TMEM8B: variants seen among roughly 807,000 people sequenced by gnomAD.
The protein encoded by TMEM8B is nasopharyngeal carcinoma expressed 6.
TMEM8B carries 29 observed loss-of-function variants against 49.3 expected under a neutral mutation model. That is an observed-to-expected ratio of 0.59 (90% CI 0.44 to 0.80). The LOEUF (loss-of-function observed/expected upper bound fraction) is 0.80. TMEM8B is among the 30% of genes least tolerant of loss of function. The probability of loss-of-function intolerance (pLI) is 0.00; values close to 1 mark genes in which losing one functional copy is unlikely to be tolerated. For missense variants in TMEM8B, 575 were observed against 658.5 expected (o/e 0.87, Z 1.39); for synonymous variants, 264 against 272.8 (o/e 0.97, Z 0.32).
chr9:35,840,481 A>G (rs990887161), intron 3 of TMEM8B, among the ~76,000 whole-genome samples: 3 of 152,132 alleles, frequency 2.0e-5, no homozygotes, highest in Admixed American at 6.5e-5. Context: ...ATCAAATAGG[A>G]CAGGGTTCCT....
chr9:35,859,991 CTCCTT>C lies in TMEM8B; in HGVS notation c.*6153_*6157del, dbSNP rs1832622563. On this transcript the variant is annotated 3_prime_UTR_variant, in exon 13 of 13. Transcript: ENST00000643932. ...GTTTGCCCACTTCATCTCATTCTCT[CTCCTT>C]TTCCATCTGGACCACCCAGCTTTTT... The C allele has an allele frequency of 6.6e-6, 1 of 152,486 alleles. No homozygotes were observed. Among genetic ancestry groups the C allele is most frequent in the African/African-American group, 2.4e-5 (1 of 41,464 alleles). The allele number at this position is 152,486 out of a possible 1,614,324, so 9.4% of individuals were successfully genotyped here. A position where few individuals can be genotyped will look rare whatever the true frequency, so the allele number is the denominator to read the frequency against.
rs1326519335 is a variant in TMEM8B at position 35,856,130 on chromosome 9, G to C, written c.*2290G>C. The stretch of plus-strand genomic sequence containing the variant: ...ATTAGCTGAGTTGCCATGATGCTAA[G>C]ATAATGGGAGAGTGTTCTTTGTGGT... On this transcript the variant is annotated 3_prime_UTR_variant, in exon 13 of 13. Coordinates refer to ENST00000643932, the MANE Select transcript of TMEM8B (RefSeq NM_001042590.4). 6.6e-6 allele frequency: 1 copy of C among 152,212 alleles called. No individual in the cohort carries two copies. The highest frequency in any genetic ancestry group is 1.5e-5 in the Non-Finnish European group (1 of 68,042). The allele number at this position is 152,212 out of a possible 1,614,324, so 9.4% of individuals were successfully genotyped here.
At chr9:35,832,991 C>T (rs2065039) in intron 1 of TMEM8B, among the ~76,000 whole-genome samples, 31,719 of 152,064 alleles carry the variant, frequency 0.21, 3,540 homozygotes, top group East Asian at 0.37. Flanking sequence ...TCCTTCCTGA[C>T]AGTTGAGACT....
At position 35,846,586 on chromosome 9, in the gene TMEM8B, G is replaced by T. The variant is rs1281158892; in HGVS notation, c.1971G>T (p.Leu657=). The part of the protein sequence containing the change: ...QCKLLRTHNY[L]YAACECKAGW... ...AGCTGCTGCGCACACACAATTATCT[G>T]TACGCAGCCTGCGAGTGCAAGGCCG... is the stretch of plus-strand genomic sequence containing the variant. Residue 657 remains leucine, a synonymous_variant, in exon 9 of 13, where the codon CTG becomes CTT. Coordinates refer to ENST00000643932, the MANE Select transcript of TMEM8B (RefSeq NM_001042590.4). 18 of 1,571,782 alleles carry T rather than the reference G, an allele frequency of 1.1e-5. No homozygotes were observed. Among genetic ancestry groups the T allele is most frequent in the Non-Finnish European group, 1.5e-5 (17 of 1,158,342 alleles).
intron 10 of TMEM8B, among the ~76,000 whole-genome samples, chr9:35,850,725 T>A (rs1317324382): frequency 6.6e-6 from 1 of 152,250 alleles, no homozygotes; most frequent in East Asian, 1.9e-4. Flanking sequence ...TGTTTAGTGA[T>A]TCAGCTTTGC....
rs1832468332 is a variant in TMEM8B at position 35,855,110 on chromosome 9, C to T, written c.*1270C>T. On this transcript the variant is annotated 3_prime_UTR_variant, in exon 13 of 13. Transcript: ENST00000643932. ...ATTACTCTCTCAGTCCTAAGGTTCT[C>T]TCTGCCACTTCTGGGCCATATGTGG... The T allele has an allele frequency of 6.6e-6, 1 of 152,218 alleles. No individual in the cohort carries two copies. Among genetic ancestry groups the T allele is most frequent in the Non-Finnish European group, 1.5e-5 (1 of 68,044 alleles). The allele number at this position is 152,218 out of a possible 1,614,324, so 9.4% of individuals were successfully genotyped here. A position where few individuals can be genotyped will look rare whatever the true frequency, so the allele number is the denominator to read the frequency against.
intron 3 of TMEM8B, among the ~76,000 whole-genome samples, chr9:35,836,493 G>C (rs1187512157): frequency 4.6e-5 from 7 of 152,248 alleles, no homozygotes; most frequent in African/African-American, 1.7e-4. Flanking sequence ...CCTGGCTCTA[G>C]TTATCCAAAA....
rs142453480 is a variant in TMEM8B, at chr9:35,833,514, ACTT to A, written c.509-944_509-942del. On this transcript the variant is annotated intron_variant, in intron 1 of 12. Transcript: ENST00000643932. ...CCTTGCCTGGCTAGCTGCTGACACA[ACTT>A]CTGCTCACCTTGGCTCTGCTCCTGA... 5.0e-3 allele frequency among the ~76,000 whole-genome samples: 756 copies of A among 152,264 alleles called. 16 individuals are homozygous for A. The East Asian group carries it at 0.083, about 17-fold the overall frequency.
chr9:35,848,675 C>CTTTTTTTTTTTTTTT (rs34593597), intron 10 of TMEM8B, among the ~76,000 whole-genome samples: 1 of 132,132 alleles, frequency 7.6e-6, no homozygotes, highest in Non-Finnish European at 1.6e-5. Context: ...TGTTTTTTTT[C>CTTTTTTTTTTTTTTT]TTTTTTTTTT....
In TMEM8B at chr9:35,856,813, G is replaced by A. The variant is rs1486856477; in HGVS notation, c.*2973G>A. 1.3e-5 allele frequency: 2 copies of A among 152,340 alleles called. No individual in the cohort carries two copies. The allele number at this position is 152,340 out of a possible 1,614,324, so 9.4% of individuals were successfully genotyped here. ...GATGGTGGTGCCATTCCCTGAGATG[G>A]TGACACCACTTTGGGTGGGGGGAAG... On this transcript the variant is annotated 3_prime_UTR_variant, in exon 13 of 13. Transcript: ENST00000643932.
At position 35,862,219 on chromosome 9, in the gene TMEM8B, C is replaced by A. The variant is rs1179183188; in HGVS notation, c.*8379C>A. 6.6e-6 allele frequency: 1 copy of A among 152,274 alleles called. No individual in the cohort carries two copies. Among genetic ancestry groups the A allele is most frequent in the Non-Finnish European group, 1.5e-5 (1 of 68,068 alleles). The allele number at this position is 152,274 out of a possible 1,614,324, so 9.4% of individuals were successfully genotyped here. On this transcript the variant is annotated 3_prime_UTR_variant, in exon 13 of 13. Coordinates refer to ENST00000643932, the MANE Select transcript of TMEM8B (RefSeq NM_001042590.4). ...CATGGAGTTTGCAGTCATTCATTCA[C>A]TCACTCGGTGACTTTGGACACCTCC...
chr9:35,846,201 G>C (rs201134670), intron 7 of TMEM8B, 57 bp from the exon 8 acceptor site: 34 of 1,608,564 alleles, frequency 2.1e-5, no homozygotes, highest in Non-Finnish European at 9.4e-6. Context: ...AGGTGGGTGA[G>C]GGTTCTTGGG....
At position 35,859,253 on chromosome 9, in the gene TMEM8B, T is replaced by A. The variant is rs1035757878; in HGVS notation, c.*5413T>A. The A allele has an allele frequency of 1.9e-5, 3 of 158,882 alleles. No individual in the cohort carries two copies. Among genetic ancestry groups the A allele is most frequent in the African/African-American group, 7.2e-5 (3 of 41,698 alleles). The allele number at this position is 158,882 out of a possible 1,614,324, so 9.8% of individuals were successfully genotyped here. On this transcript the variant is annotated 3_prime_UTR_variant, in exon 13 of 13. Coordinates refer to ENST00000643932, the MANE Select transcript of TMEM8B (RefSeq NM_001042590.4). The stretch of plus-strand genomic sequence containing the variant: ...TTGTCCCATAAAAAACCACCACCAC[T>A]GTGCGGTGGGCTGAGCAGGTGGAGA...
intron 10 of TMEM8B, among the ~76,000 whole-genome samples, chr9:35,851,664 A>G (rs1054956287): frequency 1.3e-5 from 2 of 152,232 alleles, no homozygotes; most frequent in Admixed American, 1.3e-4. Flanking sequence ...AGTGAAGGAA[A>G]AGAAAGAAGA....
chr9:35,830,046 G>T, intron 1 of TMEM8B, 91 bp downstream of exon 1: 1 of 409,014 alleles, frequency 2.4e-6, no homozygotes. Context: ...GGGACCTGGG[G>T]AACTAGATCA....
rs1832598476 is a variant in TMEM8B at position 35,858,731 on chromosome 9, G to A, written c.*4891G>A. ...TGTGCCTTCCTGTTGCCATTGTGTT[G>A]GCCACTGAAATGTAGGTGGAGGCAA... On this transcript the variant is annotated 3_prime_UTR_variant, in exon 13 of 13. Transcript: ENST00000643932. 6.6e-6 allele frequency: 1 copy of A among 152,164 alleles called. No individual in the cohort carries two copies. Among genetic ancestry groups the A allele is most frequent in the Admixed American group, 6.5e-5 (1 of 15,270 alleles). 9.4% of individuals were successfully genotyped at this position (152,164 alleles called of 1,614,324 possible). A position where few individuals can be genotyped will look rare whatever the true frequency, so the allele number is the denominator to read the frequency against.
intron 6 of TMEM8B, chr9:35,845,526 A>T (rs940251124): frequency 1.0e-6 from 1 of 985,298 alleles, no homozygotes; most frequent in Non-Finnish European, 1.2e-6. Context: ...ACCTAGGATC[A>T]TTTCACCTGA....
intron 7 of TMEM8B, 22 bp from the exon 8 acceptor site, chr9:35,846,236 G>T (rs1564033726): frequency 6.2e-7 from 1 of 1,613,834 alleles, no homozygotes; most frequent in Admixed American, 1.7e-5. Flanking sequence ...CCCTCTCACT[G>T]ACTCCTTCCT....
chr9:35,846,617 C>T lies in TMEM8B; in HGVS notation c.1996+6C>T. 1.3e-6 allele frequency: 2 copies of T among 1,573,626 alleles called. No homozygotes were observed. The highest frequency in any genetic ancestry group is 1.1e-5 in the South Asian group (1 of 87,224). Reference sequence around the variant, plus strand: ...AGCCTGCGAGTGCAAGGCCGGTGAGCAGGCTGGCGAGGGAGCGGGCTGCGG... The same window carrying T: ...AGCCTGCGAGTGCAAGGCCGGTGAGTAGGCTGGCGAGGGAGCGGGCTGCGG... On this transcript the variant is annotated splice_donor_region_variant and intron_variant, in intron 9 of 12. Coordinates refer to ENST00000643932, the MANE Select transcript of TMEM8B (RefSeq NM_001042590.4).
Sources: allele counts gnomAD v4.1 joint callset (sites outside exome capture counted in the v4.1 genomes callset), GRCh38; gene constraint gnomAD v4.1.1; transcripts MANE v1.5; gene names NCBI Gene and HGNC (gene_info 2026-07-23, HGNC 2026-07-21).